Variants in ATP2B2 observed in about 807,000 individuals in gnomAD.
The protein encoded by ATP2B2 is plasma membrane calcium-transporting ATPase 2.
A neutral mutation model predicts 120.0 loss-of-function variants in ATP2B2; 15 were observed. The observed-to-expected ratio is 0.12, with a 90% CI of 0.08 to 0.19. ATP2B2 has a LOEUF of 0.19. ATP2B2 is among the 10% of genes least tolerant of loss of function. The pLI, the probability that ATP2B2 is intolerant of heterozygous loss-of-function variation, is 1.00. For synonymous variants in ATP2B2, 694 were observed against 700.3 expected, an observed-to-expected ratio of 0.99 and a Z score of 0.14; for missense variants, 1,045 against 1,719.8, an observed-to-expected ratio of 0.61 and a Z score of 6.94.
At chr3:10,558,987 C>T (rs1195316136) in intron 2 of ATP2B2, among the ~76,000 whole-genome samples, 1 of 152,186 alleles carries the variant, frequency 6.6e-6, no homozygotes, top group Non-Finnish European at 1.5e-5. Flanking sequence ...TCAACATAAC[C>T]TCACACCTGT....
Position 10,329,036 on chromosome 3 carries a change from A to G in ATP2B2, c.3510T>C (p.His1170=). The change falls in exon 23 of 23, where the codon CAT becomes CAC. Residue 1170 remains histidine, a synonymous_variant. Transcript: ENST00000360273. This position sits in a 1 kb window ranked among gnomAD's most constrained non-coding sequence, Gnocchi z 5.9. ...GGGAATCTTCGATCCGGAATTCAGG[A>G]TGAGCCATGAAGTTATGGATGGAGG... ...SRTSIHNFMA[H]PEFRIEDSQP... is the part of the protein sequence containing the mutation. 1 of 1,614,018 alleles carries G rather than the reference A, an allele frequency of 6.2e-7. No individual in the cohort carries two copies. The highest frequency in any genetic ancestry group is 1.1e-5 in the South Asian group (1 of 91,064).
intron 2 of ATP2B2, among the ~76,000 whole-genome samples, chr3:10,610,124 A>AAT (rs1157517479): frequency 7.3e-4 from 93 of 127,642 alleles, no homozygotes; most frequent in African/African-American, 2.8e-3. Flanking sequence ...TATATGCATA[A>AAT]ATATATATAT....
At position 10,371,913 on chromosome 3, in the gene ATP2B2, C is replaced by T. The variant is rs144118750; in HGVS notation, c.1555G>A (p.Val519Ile). 2.7e-3 allele frequency: 4,340 copies of T among 1,614,150 alleles called. 10 individuals carry two copies. Among genetic ancestry groups the T allele is most frequent in the Non-Finnish European group, 3.4e-3 (4,071 of 1,180,036 alleles). The change falls in exon 12 of 23, where the codon GTC becomes ATC. Residue 519 changes from valine (V) to isoleucine (I), a missense_variant. By Grantham distance (29) the Val-to-Ile change is conservative. Coordinates refer to ENST00000360273, the MANE Select transcript of ATP2B2 (RefSeq NM_001001331.4). ...GGGTCGGGGATCTCTTTATAGTGGACGTCGCCGACATAGGCCTGTACCACT... is the reference window on the plus strand; with the variant it reads ...GGGTCGGGGATCTCTTTATAGTGGATGTCGCCGACATAGGCCTGTACCACT... The part of the protein sequence containing the change: ...MTVVQAYVGD[V>I]HYKEIPDPSS...
intron 1 of ATP2B2, among the ~76,000 whole-genome samples, chr3:10,659,407 A>G (rs1437877978): frequency 6.6e-6 from 1 of 152,208 alleles, no homozygotes; most frequent in African/African-American, 2.4e-5. Context: ...AACATCTATC[A>G]AGCAAATGGA....
chr3:10,491,722 A>G (rs551373203), intron 1 of ATP2B2, among the ~76,000 whole-genome samples: 1 of 152,340 alleles, frequency 6.6e-6, no homozygotes, highest in Admixed American at 6.5e-5. Flanking sequence ...AAATGATACC[A>G]TTAAAAAAAG....
intron 8 of ATP2B2, among the ~76,000 whole-genome samples, chr3:10,383,152 T>TA (rs2061579623): frequency 6.6e-6 from 1 of 151,638 alleles, no homozygotes; most frequent in East Asian, 1.9e-4. Flanking sequence ...AATAATAAAA[T>TA]AAAAAACTGA....
chr3:10,379,044 C>T (rs1283002812), intron 9 of ATP2B2, among the ~76,000 whole-genome samples, 199 bp downstream of exon 9: 4 of 152,176 alleles, frequency 2.6e-5, no homozygotes, highest in African/African-American at 9.7e-5. Flanking sequence ...CATGGGTATC[C>T]CCCTCCTCAC....
chr3:10,330,568 G>A (rs1044589091), intron 22 of ATP2B2, among the ~76,000 whole-genome samples: 2 of 152,264 alleles, frequency 1.3e-5, no homozygotes, highest in African/African-American at 4.8e-5. Flanking sequence ...CTCCAGGACA[G>A]AGCCTTAGTC....
chr3:10,437,238 TATA>T (rs2063505570), intron 2 of ATP2B2, among the ~76,000 whole-genome samples: 1 of 2,536 alleles, frequency 3.9e-4, no homozygotes, highest in Non-Finnish European at 6.9e-4. Context: ...TCTTAACCTA[TATA>T]ATGATGATGA....
At chr3:10,664,491 G>A (rs1434830939) in intron 1 of ATP2B2, among the ~76,000 whole-genome samples, 1 of 152,188 alleles carries the variant, frequency 6.6e-6, no homozygotes, top group African/African-American at 2.4e-5. Flanking sequence ...AGCAACAACA[G>A]TGTGTCACTC....
Position 10,375,679 on chromosome 3 carries a change from A to C in ATP2B2, c.1202-35T>G. On this transcript the variant is annotated intron_variant, in intron 10 of 22. Coordinates refer to ENST00000360273, the MANE Select transcript of ATP2B2 (RefSeq NM_001001331.4). This position sits in a 1 kb window ranked among gnomAD's most constrained non-coding sequence, Gnocchi z 4.2. ...GAGGGACACATGCTTGGGGGGTTCC[A>C]GGAAGTGGAGGCTGGGGGTGGTGTG... The C allele has an allele frequency of 6.3e-7, 1 of 1,592,822 alleles. No homozygotes were observed.
chr3:10,370,180 G>A (rs1167958044), intron 12 of ATP2B2, among the ~76,000 whole-genome samples: 2 of 152,246 alleles, frequency 1.3e-5, no homozygotes, highest in Non-Finnish European at 2.9e-5. Flanking sequence ...ACTCATCACT[G>A]TGGAGAGGTT....
At chr3:10,538,888 G>A (rs559362763) in intron 2 of ATP2B2, among the ~76,000 whole-genome samples, 1 of 152,132 alleles carries the variant, frequency 6.6e-6, no homozygotes, top group African/African-American at 2.4e-5. Flanking sequence ...CAATCAGGCA[G>A]GAGAAAGAAA....
chr3:10,392,396 A>G (rs2061882251), intron 5 of ATP2B2, among the ~76,000 whole-genome samples: 1 of 152,198 alleles, frequency 6.6e-6, no homozygotes, highest in African/African-American at 2.4e-5. Context: ...TGCCAGGGGA[A>G]GACTCCAAAG....
chr3:10,451,196 T>C (rs544876318), intron 1 of ATP2B2, among the ~76,000 whole-genome samples: 5 of 152,324 alleles, frequency 3.3e-5, no homozygotes, highest in Admixed American at 3.3e-4. Context: ...CAGAAGGAGA[T>C]GGTCTCCTGG....
intron 2 of ATP2B2, among the ~76,000 whole-genome samples, chr3:10,588,810 G>A (rs1037458226): frequency 6.6e-6 from 1 of 152,160 alleles, no homozygotes; most frequent in East Asian, 1.9e-4. Context: ...GCTCAGAGAG[G>A]TTAAGTGACT....
At chr3:10,353,042 C>T (rs1456380832) in intron 14 of ATP2B2, among the ~76,000 whole-genome samples, 1 of 152,220 alleles carries the variant, frequency 6.6e-6, no homozygotes, top group Non-Finnish European at 1.5e-5. Flanking sequence ...AGGGTGCTCC[C>T]TCCCTCTAAT....
intron 5 of ATP2B2, among the ~76,000 whole-genome samples, chr3:10,395,319 T>C (rs1225481705): frequency 6.6e-6 from 1 of 152,242 alleles, no homozygotes; most frequent in African/African-American, 2.4e-5. Flanking sequence ...ACATGGATCC[T>C]GGCCTGGAGA....
intron 3 of ATP2B2, among the ~76,000 whole-genome samples, chr3:10,409,853 T>A (rs552766919): frequency 5.3e-5 from 8 of 152,196 alleles, no homozygotes; most frequent in Non-Finnish European, 1.0e-4. Context: ...GCACATTCAT[T>A]AGGAAATGTT....
Sources: allele counts gnomAD v4.1 joint callset (sites outside exome capture counted in the v4.1 genomes callset), GRCh38; gene constraint gnomAD v4.1.1; non-coding constraint Gnocchi (gnomAD v3.1); transcripts MANE v1.5; gene names NCBI Gene and HGNC (gene_info 2026-07-23, HGNC 2026-07-21).